Variants in CYGB observed in about 807,000 individuals in gnomAD.
CYGB encodes the protein cytoglobin.
A neutral mutation model predicts 20.7 loss-of-function variants in CYGB; 13 were observed. The observed-to-expected ratio is 0.63, with a 90% confidence interval of 0.41 to 1.00. The LOEUF (loss-of-function observed/expected upper bound fraction) is 1.00. CYGB is among the 50% of genes least tolerant of loss of function. The probability of loss-of-function intolerance (pLI) is 0.00; values close to 1 mark genes in which losing one functional copy is unlikely to be tolerated. For missense variants in CYGB, 218 were observed against 257.2 expected (o/e 0.85, Z 1.04); for synonymous variants, 93 against 107.4 (o/e 0.87, Z 0.83).
Position 76,537,679 on chromosome 17 carries a change from G to C in CYGB, c.-137C>G. Reference sequence around the variant, plus strand: ...GAGGGGTAGAGCGCGGAGGGAGGGAGCGTGTGTCTGTGCGCGCCGGGTGTG... The same window carrying C: ...GAGGGGTAGAGCGCGGAGGGAGGGACCGTGTGTCTGTGCGCGCCGGGTGTG... On this transcript the variant is annotated 5_prime_UTR_variant, in exon 1 of 4. Transcript: ENST00000293230. 1.3e-6 allele frequency: 1 copy of C among 797,570 alleles called. No homozygotes were observed. Among genetic ancestry groups the C allele is most frequent in the Non-Finnish European group, 1.5e-6 (1 of 659,592 alleles). The allele number at this position is 797,570 out of a possible 1,614,324, so 49.4% of individuals were successfully genotyped here.
rs1411689874 is a variant in CYGB, at chr17:76,527,680, C to T, written c.*898G>A. The T allele has an allele frequency of 1.3e-5, 6 of 453,882 alleles. No individual in the cohort carries two copies. Among genetic ancestry groups the T allele is most frequent in the Admixed American group, 2.3e-5 (1 of 42,556 alleles). The allele number at this position is 453,882 out of a possible 1,614,324, so 28.1% of individuals were successfully genotyped here. ...GTGAGACCCAGGCATGTGGTCCCGC[C>T]GACCTGCTGCCCAGCAGCCCGGATC... On this transcript the variant is annotated 3_prime_UTR_variant, in exon 4 of 4. Transcript: ENST00000293230.
upstream of CYGB, chr17:76,537,998 C>A (rs1261873161): frequency 1.3e-5 from 2 of 149,890 alleles, no homozygotes; most frequent in Non-Finnish European, 3.0e-5. Flanking sequence ...GGTCACGCGG[C>A]GCTGGGCGGC....
chr17:76,529,495 G>A (rs1171208421), intron 3 of CYGB: 1 of 985,334 alleles, frequency 1.0e-6, no homozygotes, highest in Non-Finnish European at 1.2e-6. Context: ...TGGGCCATGT[G>A]TTTCTGATTC....
chr17:76,540,259 G>GCAT, upstream of CYGB: 3 of 1,026,672 alleles, frequency 2.9e-6, no homozygotes, highest in Non-Finnish European at 3.0e-6. This position sits in a 1 kb window ranked among gnomAD's most constrained non-coding sequence, Gnocchi z 5.0. Context: ...GTCGGGGGGG[G>GCAT]GGGGCATGGG....
rs767052614 is a variant in CYGB at position 76,537,386 on chromosome 17, C to T, written c.143+14G>A. The T allele has an allele frequency of 1.9e-6, 3 of 1,581,704 alleles. No individual in the cohort carries two copies. Among genetic ancestry groups the T allele is most frequent in the East Asian group, 2.5e-5 (1 of 40,768 alleles). On this transcript the variant is annotated intron_variant, in intron 1 of 3. Coordinates refer to ENST00000293230, the MANE Select transcript of CYGB (RefSeq NM_134268.5). ...CTCCCTGCCCAGGGCCCGGCCGGGC[C>T]GGGCGACACCTACCTCACCAGGATG...
intron 1 of CYGB, chr17:76,543,054 C>T (rs1195388974): frequency 2.1e-6 from 1 of 472,214 alleles, no homozygotes; most frequent in Non-Finnish European, 4.4e-6. Context: ...GTCCCCTAGC[C>T]CAGGAGGATG....
At chr17:76,540,153 C>G (rs1598211048), upstream of CYGB, 2 of 1,605,176 alleles carry the variant, frequency 1.2e-6, no homozygotes, top group African/African-American at 1.3e-5. The surrounding 1 kb of genome is among the most constrained non-coding windows in gnomAD (Gnocchi z 5.0). Context: ...TGTGCACCAC[C>G]CTTTTCCTGC....
upstream of CYGB, chr17:76,551,178 GC>G (rs979280397): frequency 1.3e-5 from 2 of 152,150 alleles, no homozygotes; most frequent in African/African-American, 4.8e-5. Context: ...AATTTGCAGA[GC>G]AGAGAAGAGA....
In CYGB at chr17:76,547,937, C is replaced by T. The variant is rs904844113; in HGVS notation, c.-53+2925G>A. On this transcript the variant is annotated intron_variant, in intron 1 of 3. Transcript: ENST00000589145. ...TCACACACACATACACATATACAAA[C>T]ATATTCACACACATATACACACACA... Among the ~76,000 whole-genome samples, 4 of 151,212 alleles carry T rather than the reference C, an allele frequency of 2.6e-5. No homozygotes were observed. In the East Asian group the frequency reaches 7.8e-4, roughly 29 times the overall value.
chr17:76,540,133 A>C, upstream of CYGB: 1 of 1,598,604 alleles, frequency 6.3e-7, no homozygotes, highest in Non-Finnish European at 8.5e-7. This position sits in a 1 kb window ranked among gnomAD's most constrained non-coding sequence, Gnocchi z 5.0. Flanking sequence ...GGGATGGGGC[A>C]GCTGCGCCAT....
At chr17:76,544,195 C>T (rs759624725) in intron 1 of CYGB, 15 of 454,436 alleles carry the variant, frequency 3.3e-5, no homozygotes, top group Non-Finnish European at 1.8e-5. Context: ...TTCAAAAACC[C>T]CCCGTGCCTC....
At position 76,528,127 on chromosome 17, in the gene CYGB, T is replaced by C. The variant is rs2074788838; in HGVS notation, c.*451A>G. 2 of 321,678 alleles carry C rather than the reference T, an allele frequency of 6.2e-6. No individual in the cohort carries two copies. The highest frequency in any genetic ancestry group is 9.2e-5 in the Admixed American group (2 of 21,758). 19.9% of individuals were successfully genotyped at this position (321,678 alleles called of 1,614,324 possible). A position where few individuals can be genotyped will look rare whatever the true frequency, so the allele number is the denominator to read the frequency against. Reference sequence around the variant, plus strand: ...TTCTAGATATGTATGTGTGTATATATATATGTATATATATATTTATATATA... The same window carrying C: ...TTCTAGATATGTATGTGTGTATATACATATGTATATATATATTTATATATA... On this transcript the variant is annotated 3_prime_UTR_variant, in exon 4 of 4. Coordinates refer to ENST00000293230, the MANE Select transcript of CYGB (RefSeq NM_134268.5). This position sits in a 1 kb window ranked among gnomAD's most constrained non-coding sequence, Gnocchi z 5.8.
Position 76,530,309 on chromosome 17 carries a change from C to T in CYGB, c.539+670G>A, listed in dbSNP as rs1264803743. On this transcript the variant is annotated intron_variant, in intron 3 of 3. Transcript: ENST00000293230. The surrounding 1 kb of genome is among the most constrained non-coding windows in gnomAD (Gnocchi z 6.1). The stretch of plus-strand genomic sequence containing the variant: ...CAACCGCCACATCTGGGGGCTAGCC[C>T]TCCCCTCACGCTCCGAGTCAGCAGG... Among the ~76,000 whole-genome samples the T allele has an allele frequency of 6.6e-6, 1 of 152,064 alleles. No homozygotes were observed. Among genetic ancestry groups the T allele is most frequent in the Non-Finnish European group, 1.5e-5 (1 of 67,990 alleles).
At chr17:76,540,196 T>A (rs199693977), upstream of CYGB, 315 of 1,573,184 alleles carry the variant, frequency 2.0e-4, no homozygotes, top group Non-Finnish European at 2.7e-4. The surrounding 1 kb of genome is among the most constrained non-coding windows in gnomAD (Gnocchi z 5.0). Flanking sequence ...GCGCCGCCGA[T>A]TTGCCAACCG....
chr17:76,538,534 C>T (rs1412969447), upstream of CYGB: 3 of 464,892 alleles, frequency 6.5e-6, no homozygotes, highest in Non-Finnish European at 1.3e-5. Flanking sequence ...GCCCTGAATT[C>T]TAGCCCAGCT....
intron 3 of CYGB, chr17:76,529,913 G>A (rs561667310): frequency 2.3e-5 from 23 of 985,218 alleles, no homozygotes; most frequent in Middle Eastern, 5.2e-4. Flanking sequence ...TGACGGGAGA[G>A]GGGGGAGGGG....
intron 3 of CYGB, chr17:76,529,175 TC>T (rs1165607295): frequency 1.0e-6 from 1 of 984,204 alleles, no homozygotes; most frequent in Non-Finnish European, 1.2e-6. Context: ...AGGACTCTAC[TC>T]TGTAACTCCA....
chr17:76,547,600 GGGA>G (rs1479550047), intron 1 of CYGB, among the ~76,000 whole-genome samples: 2 of 151,850 alleles, frequency 1.3e-5, no homozygotes, highest in African/African-American at 2.4e-5. Context: ...TGTGCACCTG[GGGA>G]GGAGAGGCCA....
At chr17:76,537,040 A>C (rs1407347498) in intron 1 of CYGB, among the ~76,000 whole-genome samples, 1 of 152,100 alleles carries the variant, frequency 6.6e-6, no homozygotes, top group Non-Finnish European at 1.5e-5. Context: ...TAAAATGGGG[A>C]GCCCCTGCTA....
Sources: allele counts gnomAD v4.1 joint callset (sites outside exome capture counted in the v4.1 genomes callset), GRCh38; gene constraint gnomAD v4.1.1; non-coding constraint Gnocchi (gnomAD v3.1); transcripts MANE v1.5; gene names NCBI Gene and HGNC (gene_info 2026-07-23, HGNC 2026-07-21).